CHEK2: variants seen among roughly 807,000 people sequenced by gnomAD.
CHEK2 encodes serine/threonine-protein kinase Chk2.
CHEK2 carries 71 observed loss-of-function variants against 69.1 expected under a neutral mutation model. The ratio of observed to expected loss-of-function variants is 1.03; its 90% confidence interval spans 0.85 to 1.25. CHEK2 has a LOEUF of 1.25. CHEK2 is among the 50% of genes most tolerant of loss of function. The pLI is 0.00. For missense variants in CHEK2, 664 were observed against 649.6 expected (o/e 1.02, Z -0.24); for synonymous variants, 189 against 226.9 (o/e 0.83, Z 1.50).
chr22:28,702,411 T>TG (rs1320972015), intron 8 of CHEK2, among the ~76,000 whole-genome samples: 7 of 150,544 alleles, frequency 4.6e-5, no homozygotes, highest in Admixed American at 2.0e-4. Flanking sequence ...GCTAATTTTT[T>TG]GTATTTTTAG....
At chr22:28,709,039 T>A (rs1157876054) in intron 7 of CHEK2, 3 of 372,942 alleles carry the variant, frequency 8.0e-6, no homozygotes, top group Non-Finnish European at 1.6e-5. Flanking sequence ...TTGCCTTGAG[T>A]TTAATGCCAT....
chr22:28,703,164 C>T (rs1255135158), intron 8 of CHEK2, among the ~76,000 whole-genome samples: 1 of 152,100 alleles, frequency 6.6e-6, no homozygotes, highest in Non-Finnish European at 1.5e-5. Context: ...AAGGACTCTG[C>T]ATGTGGGGGT....
intron 5 of CHEK2, among the ~76,000 whole-genome samples, chr22:28,713,667 T>C (rs1477065669): frequency 6.6e-6 from 1 of 150,468 alleles, no homozygotes; most frequent in African/African-American, 2.4e-5. Context: ...CATGTACAAG[T>C]TTTTGTCTGA....
At chr22:28,722,965 G>C (rs2053852650) in intron 4 of CHEK2, among the ~76,000 whole-genome samples, 1 of 152,098 alleles carries the variant, frequency 6.6e-6, no homozygotes, top group South Asian at 2.1e-4. Context: ...CACACACATA[G>C]ACACCCTCCA....
chr22:28,699,440 A>G (rs553119318), intron 9 of CHEK2, among the ~76,000 whole-genome samples: 1 of 134,934 alleles, frequency 7.4e-6, no homozygotes, highest in East Asian at 2.2e-4. Context: ...ATCTCAGCAC[A>G]CTGCAACCTC....
chr22:28,714,358 T>C lies in CHEK2; in HGVS notation c.684-2341A>G, dbSNP rs148311988. Among the ~76,000 whole-genome samples the C allele has an allele frequency of 2.5e-3, 376 of 152,308 alleles. 3 individuals carry two copies. Among genetic ancestry groups the C allele is most frequent in the African/African-American group, 8.4e-3 (348 of 41,574 alleles). On this transcript the variant is annotated intron_variant, in intron 5 of 14. Transcript: ENST00000404276. ...TTTGATGTGCTTTTTGGCCATTGTA[T>C]GTGTTCTTGAGGGAAATGTCTATTC...
intron 2 of CHEK2, among the ~76,000 whole-genome samples, chr22:28,731,117 T>G (rs1318050563): frequency 1.3e-5 from 2 of 151,130 alleles, no homozygotes; most frequent in African/African-American, 2.4e-5. Flanking sequence ...GTGGGAGAAT[T>G]GCTTGAGCCT....
intron 1 of CHEK2, among the ~76,000 whole-genome samples, chr22:28,736,084 A>G (rs965089003): frequency 2.0e-5 from 3 of 152,136 alleles, no homozygotes; most frequent in Admixed American, 6.6e-5. Flanking sequence ...GTACCCTGAC[A>G]TAAGTGTTCT....
In CHEK2 at chr22:28,734,558, G is replaced by A. The variant is rs765799649; in HGVS notation, c.164C>T (p.Ser55Phe). ...TAAGGAGCTCAGTGTCCCAGAGCTG[G>A]AGTGAGAGGACTGGCTGGAGTTTGG... Reference protein sequence around the residue: ...TMPNSSQSSHSSSGTLSSLET... With the variant: ...TMPNSSQSSHFSSGTLSSLET... Residue 55 changes from serine to phenylalanine, a missense_variant, in exon 2 of 15, where the codon TCC (serine) becomes TTC (phenylalanine). Coordinates refer to ENST00000404276, the MANE Select transcript of CHEK2 (RefSeq NM_007194.4). 5.6e-6 allele frequency: 9 copies of A among 1,613,796 alleles called. No individual in the cohort carries two copies. The African/African-American group carries it at 1.2e-4, about 22-fold the overall frequency.
chr22:28,687,879 G>C lies in CHEK2; in HGVS notation c.*18C>G. On this transcript the variant is annotated 3_prime_UTR_variant, in exon 15 of 15. Transcript: ENST00000404276. ...GAGTGAAAGAAGGTACATTTCTTTC[G>C]TGTTCAAACCACGGAGTTCACAACA... The C allele has an allele frequency of 3.2e-6, 5 of 1,576,012 alleles. No individual in the cohort carries two copies. Among genetic ancestry groups the C allele is most frequent in the Non-Finnish European group, 3.4e-6 (4 of 1,162,070 alleles).
At chr22:28,707,930 G>A (rs1207589373) in intron 7 of CHEK2, among the ~76,000 whole-genome samples, 2 of 140,588 alleles carry the variant, frequency 1.4e-5, no homozygotes, top group Admixed American at 7.9e-5. Context: ...TCCGCCTCCC[G>A]GGTTCACGCC....
At chr22:28,700,373 G>C (rs12628239) in intron 8 of CHEK2, among the ~76,000 whole-genome samples, 1 of 151,768 alleles carries the variant, frequency 6.6e-6, no homozygotes, top group Non-Finnish European at 1.5e-5. Context: ...CACCATGCCC[G>C]GCTAATTGTT....
Position 28,735,267 on chromosome 22 carries a change from G to A in CHEK2, c.-6-540C>T, listed in dbSNP as rs554904811. The stretch of plus-strand genomic sequence containing the variant: ...TAAAAATACAAAAAATTAGCCAGGC[G>A]TGGTGGCGGGCACCTGTATTCTCAG... On this transcript the variant is annotated intron_variant, in intron 1 of 14. Coordinates refer to ENST00000404276, the MANE Select transcript of CHEK2 (RefSeq NM_007194.4). Among the ~76,000 whole-genome samples, 48 of 152,060 alleles carry A rather than the reference G, an allele frequency of 3.2e-4. 1 individual carries two copies. The highest frequency in any genetic ancestry group is 1.5e-3 in the South Asian group (7 of 4,808).
chr22:28,729,730 C>T (rs2054136670), intron 2 of CHEK2, among the ~76,000 whole-genome samples: 1 of 151,894 alleles, frequency 6.6e-6, no homozygotes, highest in South Asian at 2.1e-4. Context: ...GGAGTAAACT[C>T]CTTCAACCTA....
In CHEK2 at chr22:28,699,109, G is replaced by A. The variant is rs898716238; in HGVS notation, c.1008+729C>T. Among the ~76,000 whole-genome samples, 32 of 151,882 alleles carry A rather than the reference G, an allele frequency of 2.1e-4. 1 individual carries two copies. The highest frequency in any genetic ancestry group is 1.7e-3 in the Admixed American group (26 of 15,236). On this transcript the variant is annotated intron_variant, in intron 9 of 14. Coordinates refer to ENST00000404276, the MANE Select transcript of CHEK2 (RefSeq NM_007194.4). ...AGCCTCAACCTCCCAGGCTCAAGCCGTCCTCCCAACTCAGCCTCCAGAGTG... is the reference window on the plus strand; with the variant it reads ...AGCCTCAACCTCCCAGGCTCAAGCCATCCTCCCAACTCAGCCTCCAGAGTG...
At chr22:28,708,814 T>G (rs2053268089) in intron 7 of CHEK2, 1 of 219,474 alleles carries the variant, frequency 4.6e-6, no homozygotes. Context: ...ATACAAAAAA[T>G]TAGCCGGGCG....
intron 7 of CHEK2, among the ~76,000 whole-genome samples, chr22:28,706,367 T>C (rs2053142369): frequency 1.3e-5 from 2 of 152,032 alleles, no homozygotes. Flanking sequence ...GTAATGGCAT[T>C]ACCTCTGGGT....
chr22:28,710,957 G>C (rs1884817), intron 6 of CHEK2, among the ~76,000 whole-genome samples: 32,324 of 151,960 alleles, frequency 0.21, 3,733 homozygotes, highest in East Asian at 0.41. Context: ...ACAAATCTTA[G>C]AATCATAGGG....
chr22:28,739,431 T>C (rs1448619466), intron 1 of CHEK2, among the ~76,000 whole-genome samples: 1 of 152,172 alleles, frequency 6.6e-6, no homozygotes, highest in Non-Finnish European at 1.5e-5. Flanking sequence ...GGCTCATGCC[T>C]GTAATCCCAG....
Sources: allele counts gnomAD v4.1 joint callset (sites outside exome capture counted in the v4.1 genomes callset), GRCh38; gene constraint gnomAD v4.1.1; transcripts MANE v1.5; gene names NCBI Gene and HGNC (gene_info 2026-07-23, HGNC 2026-07-21).